Variants in CTNND1 observed in about 807,000 individuals in gnomAD.
The protein encoded by CTNND1 is catenin delta-1.
CTNND1 carries 16 observed loss-of-function variants against 112.1 expected under a neutral mutation model. The ratio of observed to expected loss-of-function variants is 0.14; its 90% CI spans 0.10 to 0.22. The LOEUF (loss-of-function observed/expected upper bound fraction) is 0.22. Among genes scored for constraint, CTNND1 ranks in the 10% least tolerant of loss-of-function variants. The pLI, the probability that CTNND1 is intolerant of heterozygous loss-of-function variation, is 1.00. For missense variants in CTNND1, 1,008 were observed against 1,257.0 expected (o/e 0.80, Z 3.00); for synonymous variants, 420 against 446.5 (o/e 0.94, Z 0.75).
chr11:57,796,341 C>A, intron 5 of CTNND1, 116 bp from the exon 6 acceptor site: 1 of 973,488 alleles, frequency 1.0e-6, no homozygotes, highest in Non-Finnish European at 1.5e-6. Context: ...GAGCCGAGAT[C>A]ACGCCATTGC....
intron 1 of CTNND1, among the ~76,000 whole-genome samples, chr11:57,765,429 A>G (rs1950809589): frequency 6.8e-6 from 1 of 147,754 alleles, no homozygotes; most frequent in Admixed American, 6.7e-5. Flanking sequence ...TGTAGTCTGT[A>G]GTTTTAACCT....
intron 17 of CTNND1, among the ~76,000 whole-genome samples, chr11:57,812,115 T>C (rs1314536494): frequency 6.6e-6 from 1 of 152,234 alleles, no homozygotes; most frequent in Non-Finnish European, 1.5e-5. Context: ...TGCTTCTTGC[T>C]GGTGGCTTAG....
At chr11:57,784,910 T>C (rs1422389642) in intron 1 of CTNND1, among the ~76,000 whole-genome samples, 1 of 152,204 alleles carries the variant, frequency 6.6e-6, no homozygotes, top group Non-Finnish European at 1.5e-5. Flanking sequence ...AACCCAAAGA[T>C]TGGTGAACTT....
intron 12 of CTNND1, 27 bp downstream of exon 12, chr11:57,807,010 G>A: frequency 6.5e-7 from 1 of 1,543,960 alleles, no homozygotes; most frequent in Non-Finnish European, 8.9e-7. Context: ...GTCTCCAAAG[G>A]TCTCATAAAC....
At chr11:57,780,891 T>G (rs893185250) in intron 1 of CTNND1, among the ~76,000 whole-genome samples, 1 of 152,162 alleles carries the variant, frequency 6.6e-6, no homozygotes, top group Non-Finnish European at 1.5e-5. Context: ...GGCAAAGAGG[T>G]GGGGGAATGC....
At chr11:57,783,397 C>T (rs1591339485) in intron 1 of CTNND1, among the ~76,000 whole-genome samples, 2 of 152,232 alleles carry the variant, frequency 1.3e-5, no homozygotes, top group African/African-American at 2.4e-5. Flanking sequence ...GCCGGGCTCA[C>T]GCCTGTAATC....
At position 57,818,263 on chromosome 11, in the gene CTNND1, TTC is replaced by T. The variant is rs1465822443; in HGVS notation, c.*1961_*1962del. 2 of 152,388 alleles carry T rather than the reference TTC, an allele frequency of 1.3e-5. No individual in the cohort carries two copies. Among genetic ancestry groups the T allele is most frequent in the African/African-American group, 4.8e-5 (2 of 41,352 alleles). The allele number at this position is 152,388 out of a possible 1,614,324, so 9.4% of individuals were successfully genotyped here. ...GCTTTTGGGGACCTTTAACTTTTTT[TTC>T]TCTCTTTTGTTTATAAAAAACACTA... is the stretch of plus-strand genomic sequence containing the variant. On this transcript the variant is annotated 3_prime_UTR_variant, in exon 21 of 21. Transcript: ENST00000399050.
At chr11:57,772,052 G>T (rs1448710518) in intron 1 of CTNND1, among the ~76,000 whole-genome samples, 1 of 151,088 alleles carries the variant, frequency 6.6e-6, no homozygotes, top group African/African-American at 2.4e-5. Flanking sequence ...CTCCTGAGTA[G>T]CTGGGACTAT....
At chr11:57,814,066 G>A in intron 17 of CTNND1, 2 of 451,896 alleles carry the variant, frequency 4.4e-6, no homozygotes, top group South Asian at 4.9e-5. Flanking sequence ...TGTAATCCCA[G>A]TACTTTGGGA....
In CTNND1 at chr11:57,796,986, G is replaced by A. The variant is rs764156809; in HGVS notation, c.950G>A (p.Arg317His). ...GGGACACCCTCTGACCCTCGTCGGC[G>A]CCTCAGGTAGGCAAGAATAGGGGAA... ...RTGTPSDPRR[R>H]LRSYEDMIGE... is the part of the protein sequence containing the mutation. The change falls in exon 6 of 21, where the codon CGC (arginine) becomes CAC (histidine). Residue 317 changes from arginine (R) to histidine (H), a missense_variant. By Grantham distance (29) the Arg-to-His change is conservative (BLOSUM62 0). This residue lies in a region of CTNND1 where 404 missense variants were observed against 457.9 expected (regional missense o/e 0.88). Transcript: ENST00000399050. 84 of 1,462,792 alleles carry A rather than the reference G, an allele frequency of 5.7e-5. No individual in the cohort carries two copies. The highest frequency in any genetic ancestry group is 7.2e-5 in the Non-Finnish European group (79 of 1,097,776). 90.6% of individuals were successfully genotyped at this position (1,462,792 alleles called of 1,614,324 possible).
chr11:57,805,990 A>G lies in CTNND1; in HGVS notation c.1831A>G (p.Thr611Ala), dbSNP rs1482158526. 1.2e-6 allele frequency: 2 copies of G among 1,612,464 alleles called. No homozygotes were observed. Among genetic ancestry groups the G allele is most frequent in the South Asian group, 2.2e-5 (2 of 90,682 alleles). ...GGCAGCTCCCAATGTTGCCAACAATACTGGGCCACATGCTGCCAGTTGCTT... is the reference window on the plus strand; with the variant it reads ...GGCAGCTCCCAATGTTGCCAACAATGCTGGGCCACATGCTGCCAGTTGCTT... ...QEAAPNVANN[T>A]GPHAASCFGA... is the part of the protein sequence containing the mutation. The change falls in exon 10 of 21, where the codon ACT becomes GCT. Residue 611 changes from threonine (T) to alanine (A), a missense_variant. By Grantham distance (58) the Thr-to-Ala change is moderately conservative. Around this residue, in one of 5 missense-constraint regions of CTNND1, gnomAD observed 254 missense variants for 279.5 expected, o/e 0.91. Transcript: ENST00000399050.
chr11:57,804,921 C>CA, intron 9 of CTNND1, 141 bp downstream of exon 9: 1 of 633,248 alleles, frequency 1.6e-6, no homozygotes, highest in Non-Finnish European at 2.7e-6. Flanking sequence ...ATTTTTGAGA[C>CA]AGAGTCTTGC....
chr11:57,770,572 G>A (rs1337395306), intron 1 of CTNND1, among the ~76,000 whole-genome samples: 1 of 151,542 alleles, frequency 6.6e-6, no homozygotes, highest in Admixed American at 6.6e-5. Context: ...AGAATCCCTT[G>A]AACCCAGGAG....
In CTNND1 at chr11:57,808,303, G is replaced by A. The variant is rs1281755748; in HGVS notation, c.2091+11G>A. Reference sequence around the variant, plus strand: ...GCTGGGCGCTGGACGGTACCTTTTAGAAAAGGGATTTGGAGATGGGAAAAC... The same window carrying A: ...GCTGGGCGCTGGACGGTACCTTTTAAAAAAGGGATTTGGAGATGGGAAAAC... On this transcript the variant is annotated intron_variant, in intron 13 of 20. Transcript: ENST00000399050. 6.2e-7 allele frequency: 1 copy of A among 1,604,584 alleles called. No individual in the cohort carries two copies. The highest frequency in any genetic ancestry group is 8.5e-7 in the Non-Finnish European group (1 of 1,172,272).
rs578037580 is a variant in CTNND1 at position 57,812,421 on chromosome 11, G to A, written c.2638+935G>A. On this transcript the variant is annotated intron_variant, in intron 17 of 20. Transcript: ENST00000399050. ...TGTATTCCCAGCTACTCAGGAGGCT[G>A]AGGCAGGAGAATCGCTTGAACCCAG... is the stretch of plus-strand genomic sequence containing the variant. Among the ~76,000 whole-genome samples the A allele has an allele frequency of 4.6e-5, 7 of 152,260 alleles. No homozygotes were observed. In the East Asian group the frequency reaches 7.7e-4, roughly 17 times the overall value.
At chr11:57,794,560 C>T (rs2061138136) in intron 4 of CTNND1, among the ~76,000 whole-genome samples, 1 of 149,534 alleles carries the variant, frequency 6.7e-6, no homozygotes, top group African/African-American at 2.5e-5. Flanking sequence ...CTGAGGTGGG[C>T]AGATCACCTC....
rs966959278 is a variant in CTNND1, at chr11:57,789,131, A to G, written c.-119A>G. 9 of 1,533,490 alleles carry G rather than the reference A, an allele frequency of 5.9e-6. No homozygotes were observed. The African/African-American group carries it at 8.2e-5, about 14-fold the overall frequency. The allele number at this position is 1,533,490 out of a possible 1,614,324, so 95.0% of individuals were successfully genotyped here. A position where few individuals can be genotyped will look rare whatever the true frequency, so the allele number is the denominator to read the frequency against. ...CTGGGCTGTTCTCTGTGTTAAACCA[A>G]TCAGTTGCGACCTTCTCTTAACAGG... is the stretch of plus-strand genomic sequence containing the variant. On this transcript the variant is annotated 5_prime_UTR_variant, in exon 2 of 21. Transcript: ENST00000399050.
intron 4 of CTNND1, among the ~76,000 whole-genome samples, chr11:57,794,339 G>A (rs879272002): frequency 3.9e-5 from 6 of 152,050 alleles, no homozygotes; most frequent in South Asian, 2.1e-4. Context: ...TAAGTACTGC[G>A]TTTCTTTTCT....
Position 57,774,800 on chromosome 11 carries a change from G to A in CTNND1, c.-214+12681G>A, listed in dbSNP as rs186899727. Among the ~76,000 whole-genome samples, 39 of 152,084 alleles carry A rather than the reference G, an allele frequency of 2.6e-4. No homozygotes were observed. In the East Asian group the frequency reaches 6.4e-3, roughly 25 times the overall value. ...GTGATCTTGGCTCGCTGCAACCTCC[G>A]CCTCCCAGGTTCAAGTGATTCTCGT... On this transcript the variant is annotated intron_variant, in intron 1 of 20. Transcript: ENST00000399050.
Sources: gnomAD v4.1 joint callset for allele counts (sites outside exome capture counted in the v4.1 genomes callset) on GRCh38, gnomAD v4.1.1 for gene constraint, gnomAD v4.1.1 regional missense constraint, MANE v1.5 for transcripts, NCBI Gene and HGNC (gene_info 2026-07-23, HGNC 2026-07-21) for gene names.